The following PRKD1 variants were observed in gnomAD, a reference collection of about 807,000 sequenced individuals.
PRKD1 encodes protein kinase D1.
In PRKD1, 63 loss-of-function variants were observed where a neutral mutation model predicts 95.9. The ratio of observed to expected loss-of-function variants is 0.66; its 90% CI spans 0.54 to 0.81. The LOEUF (loss-of-function observed/expected upper bound fraction) is 0.81. Among genes scored for constraint, PRKD1 ranks in the 30% least tolerant of loss-of-function variants. The probability of loss-of-function intolerance (pLI) is 0.00; values close to 1 mark genes in which losing one functional copy is unlikely to be tolerated. For synonymous variants in PRKD1, 425 were observed against 423.1 expected (o/e 1.00, Z -0.05); for missense variants, 1,048 against 1,165.3 (o/e 0.90, Z 1.47).
At chr14:29,592,498 TCA>T (rs1893166939) in intron 16 of PRKD1, among the ~76,000 whole-genome samples, 3 of 152,194 alleles carry the variant, frequency 2.0e-5, no homozygotes, top group South Asian at 4.1e-4. Flanking sequence ...ATAAATGCAT[TCA>T]GTTATAATCT....
chr14:29,735,564 G>A (rs1034236879), intron 1 of PRKD1, among the ~76,000 whole-genome samples: 2 of 152,148 alleles, frequency 1.3e-5, no homozygotes, highest in Non-Finnish European at 2.9e-5. Flanking sequence ...CTGAATAACA[G>A]CTCAACTTTA....
Position 29,927,669 on chromosome 14 carries a change from G to A in PRKD1, c.-157C>T, listed in dbSNP as rs1225836279. ...AAGTCCCTGGGCTGGGGGAGGGCAAGGGGATGAGGATCGGGAGGGGAGGGG... is the reference window on the plus strand; with the variant it reads ...AAGTCCCTGGGCTGGGGGAGGGCAAAGGGATGAGGATCGGGAGGGGAGGGG... On this transcript the variant is annotated 5_prime_UTR_variant, in exon 1 of 18. Transcript: ENST00000331968. The A allele has an allele frequency of 2.8e-6, 1 of 356,330 alleles. No homozygotes were observed. Among genetic ancestry groups the A allele is most frequent in the African/African-American group, 2.2e-5 (1 of 45,348 alleles). The allele number at this position is 356,330 out of a possible 1,614,324, so 22.1% of individuals were successfully genotyped here. A position where few individuals can be genotyped will look rare whatever the true frequency, so the allele number is the denominator to read the frequency against.
In PRKD1 at chr14:29,826,844, C is replaced by CATATATAT. The variant is rs1228527833; in HGVS notation, c.264+100397_264+100404dup. On this transcript the variant is annotated intron_variant, in intron 1 of 17. Coordinates refer to ENST00000331968, the MANE Select transcript of PRKD1 (RefSeq NM_002742.3). ...ATATATATATATATATATATACACA[C>CATATATAT]ATATATATATATATATATATATATA... Among the ~76,000 whole-genome samples, 68 of 28,668 alleles carry CATATATAT rather than the reference C, an allele frequency of 2.4e-3. 6 individuals carry two copies. Among genetic ancestry groups the CATATATAT allele is most frequent in the East Asian group, 4.7e-3 (4 of 856 alleles). The allele number at this position is 28,668 out of a possible 152,430, so 18.8% of individuals were successfully genotyped here.
intron 1 of PRKD1, among the ~76,000 whole-genome samples, chr14:29,824,558 T>C (rs528037367): frequency 1.9e-4 from 29 of 152,068 alleles, no homozygotes; most frequent in Non-Finnish European, 3.5e-4. Flanking sequence ...CCAGCACCAA[T>C]ATTCAGGAAA....
intron 1 of PRKD1, among the ~76,000 whole-genome samples, chr14:29,921,407 T>C (rs900658262): frequency 1.3e-5 from 2 of 151,652 alleles, no homozygotes; most frequent in Non-Finnish European, 2.9e-5. Flanking sequence ...ATAATAAATA[T>C]AAATTTCTTT....
chr14:29,739,969 A>T (rs1722668670), intron 1 of PRKD1, among the ~76,000 whole-genome samples: 1 of 152,196 alleles, frequency 6.6e-6, no homozygotes, highest in South Asian at 2.1e-4. Flanking sequence ...ATTTTGTTGT[A>T]TATAATTTTT....
chr14:29,735,584 C>T (rs1886674067), intron 1 of PRKD1, among the ~76,000 whole-genome samples: 1 of 152,184 alleles, frequency 6.6e-6, no homozygotes, highest in Non-Finnish European at 1.5e-5. Flanking sequence ...ATAAAGACTT[C>T]TAACTCATGT....
At chr14:29,814,984 T>G (rs904617336) in intron 1 of PRKD1, among the ~76,000 whole-genome samples, 2 of 152,216 alleles carry the variant, frequency 1.3e-5, no homozygotes, top group Non-Finnish European at 2.9e-5. Context: ...TTAACATAGA[T>G]GAACAAACCC....
chr14:29,721,656 C>T (rs1031047374), intron 2 of PRKD1, among the ~76,000 whole-genome samples: 1 of 152,036 alleles, frequency 6.6e-6, no homozygotes, highest in Non-Finnish European at 1.5e-5. Context: ...CAGTACCATA[C>T]ACTTGAACTT....
chr14:29,819,561 G>A (rs1890826613), intron 1 of PRKD1, among the ~76,000 whole-genome samples: 1 of 152,026 alleles, frequency 6.6e-6, no homozygotes, highest in African/African-American at 2.4e-5. Context: ...GTGGTGGCGG[G>A]CGCCTGTAGT....
chr14:29,795,940 G>C (rs1889795862), intron 1 of PRKD1, among the ~76,000 whole-genome samples: 1 of 152,076 alleles, frequency 6.6e-6, no homozygotes, highest in East Asian at 1.9e-4. Flanking sequence ...AATTTACTAA[G>C]ATCACTTTAA....
intron 2 of PRKD1, among the ~76,000 whole-genome samples, chr14:29,683,141 AG>A (rs1883630215): frequency 6.6e-6 from 1 of 152,216 alleles, no homozygotes; most frequent in Non-Finnish European, 1.5e-5. Context: ...ATTGCAGAGA[AG>A]ATGGACTACA....
intron 2 of PRKD1, among the ~76,000 whole-genome samples, chr14:29,680,661 G>A (rs1883489407): frequency 6.6e-6 from 1 of 152,170 alleles, no homozygotes. Context: ...TAGACCCACA[G>A]TTGAGGGAAT....
intron 16 of PRKD1, chr14:29,594,304 A>G (rs145878235): frequency 9.1e-6 from 3 of 328,026 alleles, no homozygotes; most frequent in South Asian, 2.5e-5. Flanking sequence ...ACAACTAGCA[A>G]TATGTCCAAA....
intron 2 of PRKD1, among the ~76,000 whole-genome samples, chr14:29,681,623 C>T (rs952418747): frequency 1.3e-5 from 2 of 152,070 alleles, no homozygotes; most frequent in African/African-American, 2.4e-5. Context: ...CAGCATTATT[C>T]GCCAATGCAT....
At chr14:29,760,300 A>G (rs1822383424) in intron 1 of PRKD1, among the ~76,000 whole-genome samples, 1 of 151,732 alleles carries the variant, frequency 6.6e-6, no homozygotes. Flanking sequence ...CTGGATTTTG[A>G]ATTCAATTTC....
intron 1 of PRKD1, among the ~76,000 whole-genome samples, chr14:29,781,274 A>G (rs563095938): frequency 1.3e-5 from 2 of 152,308 alleles, no homozygotes; most frequent in Admixed American, 6.5e-5. Flanking sequence ...TGTACCCTAG[A>G]ACATAAAGTA....
chr14:29,634,670 C>T (rs967066537), intron 7 of PRKD1, 129 bp from the exon 8 acceptor site: 66 of 1,247,196 alleles, frequency 5.3e-5, no homozygotes, highest in Admixed American at 4.0e-4. Context: ...TTTAGTAAAA[C>T]GTATTGTCAG....
chr14:29,806,318 G>A (rs1890230210), intron 1 of PRKD1, among the ~76,000 whole-genome samples: 1 of 152,196 alleles, frequency 6.6e-6, no homozygotes, highest in South Asian at 2.1e-4. Flanking sequence ...GACAATTTCA[G>A]TTTATTTTGA....
Sources: gnomAD v4.1 joint callset for allele counts (sites outside exome capture counted in the v4.1 genomes callset) on GRCh38, gnomAD v4.1.1 for gene constraint, MANE v1.5 for transcripts, NCBI Gene and HGNC (gene_info 2026-07-23, HGNC 2026-07-21) for gene names.